ZNF215: variants seen among roughly 807,000 people sequenced by gnomAD.
ZNF215 encodes the protein zinc finger protein 215, also known as BWSCR2-associated zinc finger protein 2.
A neutral mutation model predicts 27.2 loss-of-function variants in ZNF215; 24 were observed. The ratio of observed to expected loss-of-function variants is 0.88; its 90% CI spans 0.64 to 1.24. The LOEUF (loss-of-function observed/expected upper bound fraction) is 1.24. ZNF215 is among the 50% of genes most tolerant of loss of function. ZNF215 has a pLI of 0.00. For synonymous variants in ZNF215, 210 were observed against 204.0 expected (o/e 1.03, Z -0.25); for missense variants, 675 against 605.7 (o/e 1.11, Z -1.20).
At chr11:6,972,012 G>T (rs1850728476) in intron 5 of ZNF215, among the ~76,000 whole-genome samples, 1 of 152,034 alleles carries the variant, frequency 6.6e-6, no homozygotes, top group Non-Finnish European at 1.5e-5. Context: ...TTTACTAAAG[G>T]AAATTTTTTT....
intron 6 of ZNF215, among the ~76,000 whole-genome samples, chr11:6,944,149 G>A (rs1161242690): frequency 2.0e-5 from 3 of 152,094 alleles, no homozygotes; most frequent in African/African-American, 4.8e-5. Flanking sequence ...GGTGGCGGGC[G>A]CCTGTAGTCC....
chr11:6,966,216 A>T (rs1265279991), intron 5 of ZNF215, among the ~76,000 whole-genome samples: 1 of 152,164 alleles, frequency 6.6e-6, no homozygotes, highest in Middle Eastern at 3.2e-3. Flanking sequence ...AGCGGCATGG[A>T]TGGAGCTGGA....
chr11:6,964,906 A>C (rs986317563), intron 5 of ZNF215, among the ~76,000 whole-genome samples: 1 of 152,110 alleles, frequency 6.6e-6, no homozygotes, highest in African/African-American at 2.4e-5. Context: ...ATGAGTGCCC[A>C]AGTAACAATC....
chr11:6,946,327 C>T (rs1003751588), intron 6 of ZNF215, among the ~76,000 whole-genome samples: 1 of 152,152 alleles, frequency 6.6e-6, no homozygotes, highest in African/African-American at 2.4e-5. Context: ...TATTTCACAA[C>T]ATTCTATTCT....
At chr11:6,961,455 A>G (rs959405446), downstream of ZNF215, among the ~76,000 whole-genome samples, 2 of 152,136 alleles carry the variant, frequency 1.3e-5, no homozygotes, top group African/African-American at 2.4e-5. Flanking sequence ...GGCAAGAGAG[A>G]TTCAAAAGAA....
rs139310534 is a variant in ZNF215 at position 6,947,765 on chromosome 11, T to C, written c.712+4124T>C. ...TCATTGTATTCTCAAATTTTGTGAGTTGACTGAGGAGTTCTTATGTTCCAT... is the reference window on the plus strand; with the variant it reads ...TCATTGTATTCTCAAATTTTGTGAGCTGACTGAGGAGTTCTTATGTTCCAT... On this transcript the variant is annotated intron_variant, in intron 6 of 6. Transcript: ENST00000278319. Among the ~76,000 whole-genome samples, 25 of 152,286 alleles carry C rather than the reference T, an allele frequency of 1.6e-4. No homozygotes were observed. In the East Asian group the frequency reaches 4.8e-3, roughly 29 times the overall value.
chr11:6,953,421 GC>G (rs1564961624), intron 6 of ZNF215, among the ~76,000 whole-genome samples: 1 of 152,164 alleles, frequency 6.6e-6, no homozygotes, highest in Non-Finnish European at 1.5e-5. Flanking sequence ...TTTCTTGGAG[GC>G]TTTGTTTGTT....
At chr11:6,948,068 T>C (rs553250719) in intron 6 of ZNF215, among the ~76,000 whole-genome samples, 1 of 152,292 alleles carries the variant, frequency 6.6e-6, no homozygotes, top group African/African-American at 2.4e-5. Context: ...TTCTGTTGGC[T>C]TAGCAATCAT....
In ZNF215 at chr11:6,956,468, A is replaced by C. The variant is rs1181511975; in HGVS notation, c.1491A>C (p.Lys497Asn). 3 of 1,613,656 alleles carry C rather than the reference A, an allele frequency of 1.9e-6. No individual in the cohort carries two copies. In the Admixed American group the frequency reaches 5.0e-5, roughly 27 times the overall value. Residue 497 changes from lysine to asparagine, a missense_variant, in exon 7 of 7, where the codon AAA (lysine) becomes AAC (asparagine). Coordinates refer to ENST00000278319, the MANE Select transcript of ZNF215 (RefSeq NM_013250.4). The part of the protein sequence containing the change: ...EKPFKCKECS[K>N]AFNRSSNLVK... ...CATTCAAATGTAAGGAATGTAGTAA[A>C]GCCTTCAACAGGAGTTCAAACCTTG...
chr11:6,974,582 T>C (rs1271557277), intron 5 of ZNF215, among the ~76,000 whole-genome samples: 2 of 152,290 alleles, frequency 1.3e-5, no homozygotes, highest in Non-Finnish European at 2.9e-5. Flanking sequence ...GAGCAGTGGT[T>C]TGTAGTTCTT....
Position 6,943,631 on chromosome 11 carries a change from G to C in ZNF215, c.702G>C (p.Lys234Asn), listed in dbSNP as rs755021397. The change falls in exon 6 of 7, where the codon AAG becomes AAC. Residue 234 changes from lysine to asparagine, a missense_variant. Physicochemically the swap from Lys to Asn is moderately conservative, Grantham distance 94. Transcript: ENST00000278319. ...RWIMEKEIPR[K>N]TIFDMKSISG... ...TAATGGAGAAAGAAATACCAAGGAA[G>C]ACTATTTTTGGTAAGAACCAGGTAG... 3.1e-6 allele frequency: 5 copies of C among 1,612,212 alleles called. No individual in the cohort carries two copies. The highest frequency in any genetic ancestry group is 4.2e-6 in the Non-Finnish European group (5 of 1,178,494).
intron 5 of ZNF215, among the ~76,000 whole-genome samples, chr11:6,970,539 G>A (rs1258356111): frequency 6.6e-6 from 1 of 152,180 alleles, no homozygotes; most frequent in Non-Finnish European, 1.5e-5. Flanking sequence ...ACACACTAAA[G>A]TGTTTACGGG....
intron 6 of ZNF215, among the ~76,000 whole-genome samples, chr11:6,944,052 G>GAGGCGGGTGT (rs1849730434): frequency 6.6e-6 from 1 of 151,944 alleles, no homozygotes; most frequent in Non-Finnish European, 1.5e-5. Context: ...GAGGCGGGCG[G>GAGGCGGGTGT]ATCACAAGGT....
At chr11:6,961,187 T>G (rs1482658126), downstream of ZNF215, among the ~76,000 whole-genome samples, 1 of 152,156 alleles carries the variant, frequency 6.6e-6, no homozygotes, top group Non-Finnish European at 1.5e-5. Context: ...TTTTTGCTAA[T>G]AGAATTGCCA....
intron 6 of ZNF215, among the ~76,000 whole-genome samples, chr11:6,950,275 A>T (rs1335541547): frequency 6.8e-6 from 1 of 148,094 alleles, no homozygotes; most frequent in Non-Finnish European, 1.5e-5. Context: ...GAAGAAAGTC[A>T]TTGGTAGCTT....
downstream of ZNF215, among the ~76,000 whole-genome samples, chr11:6,958,785 G>T (rs1850456420): frequency 6.6e-6 from 1 of 152,198 alleles, no homozygotes; most frequent in African/African-American, 2.4e-5. Flanking sequence ...CCTTCAGTCT[G>T]TGGTTGAAGG....
intron 6 of ZNF215, among the ~76,000 whole-genome samples, chr11:6,994,250 T>C (rs1192869547): frequency 1.3e-5 from 2 of 151,626 alleles, no homozygotes; most frequent in African/African-American, 4.8e-5. Flanking sequence ...AGGCAAATTA[T>C]GTATTGATCC....
chr11:6,949,342 T>G (rs1312723585), intron 6 of ZNF215, among the ~76,000 whole-genome samples: 1 of 152,206 alleles, frequency 6.6e-6, no homozygotes, highest in Non-Finnish European at 1.5e-5. Flanking sequence ...CCACAATGGT[T>G]GAACTAGTTT....
At chr11:6,934,346 T>C (rs951838277) in intron 3 of ZNF215, among the ~76,000 whole-genome samples, 28 of 152,230 alleles carry the variant, frequency 1.8e-4, no homozygotes, top group African/African-American at 6.8e-4. Context: ...TGAGCAGTTT[T>C]AGCAGATTTG....
Sources: allele counts gnomAD v4.1 joint callset (sites outside exome capture counted in the v4.1 genomes callset), GRCh38; gene constraint gnomAD v4.1.1; transcripts MANE v1.5; gene names NCBI Gene and HGNC (gene_info 2026-07-23, HGNC 2026-07-21).